The following MROH9 variants were observed in gnomAD, a reference collection of about 807,000 sequenced individuals.
MROH9 encodes maestro heat-like repeat-containing protein family member 9.
Under a neutral mutation model 98.2 loss-of-function variants are expected in MROH9, and 92 were observed. The observed-to-expected ratio is 0.94, with a 90% CI of 0.79 to 1.11. The LOEUF is 1.11. Among genes scored for constraint, MROH9 ranks in the 50% most tolerant of loss-of-function variants. The pLI is 0.00. For synonymous variants in MROH9, 397 were observed against 368.9 expected (o/e 1.08, Z -0.87); for missense variants, 1,057 against 1,014.8 (o/e 1.04, Z -0.57).
intron 20 of MROH9, among the ~76,000 whole-genome samples, chr1:171,057,988 T>C (rs1299291615): frequency 6.6e-6 from 1 of 152,036 alleles, no homozygotes; most frequent in African/African-American, 2.4e-5. Flanking sequence ...CACCAAAATA[T>C]ATTCTTTCAG....
At chr1:170,996,742 C>A in intron 14 of MROH9, 98 bp downstream of exon 14, 1 of 1,173,080 alleles carries the variant, frequency 8.5e-7, no homozygotes, top group Non-Finnish European at 1.2e-6. Flanking sequence ...GCATCTATTC[C>A]AATTTCCAAA....
intron 15 of MROH9, among the ~76,000 whole-genome samples, chr1:171,013,868 A>C: frequency 9.4e-6 from 1 of 106,234 alleles, no homozygotes; most frequent in Non-Finnish European, 1.9e-5. Context: ...GAAAATGTAA[A>C]ATACATACAC....
chr1:171,003,534 G>A (rs577134900), intron 15 of MROH9, among the ~76,000 whole-genome samples: 1 of 152,320 alleles, frequency 6.6e-6, no homozygotes, highest in South Asian at 2.1e-4. Flanking sequence ...GCCACCCTGT[G>A]AGTCTACCAG....
chr1:171,022,837 A>G (rs948190548), intron 17 of MROH9, among the ~76,000 whole-genome samples: 41 of 152,342 alleles, frequency 2.7e-4, no homozygotes, highest in African/African-American at 9.4e-4. Flanking sequence ...GATTTACTTG[A>G]GCTATTTTAC....
intron 7 of MROH9, among the ~76,000 whole-genome samples, chr1:170,968,081 G>C (rs1650300335): frequency 6.6e-6 from 1 of 152,124 alleles, no homozygotes; most frequent in Non-Finnish European, 1.5e-5. Flanking sequence ...GATAAAACCT[G>C]GCAGGGGAAT....
chr1:170,944,763 T>G (rs145017328), intron 1 of MROH9, among the ~76,000 whole-genome samples: 1 of 152,074 alleles, frequency 6.6e-6, no homozygotes, highest in East Asian at 1.9e-4. Flanking sequence ...ATCTATGTGG[T>G]AAGTAGAATT....
rs749578810 is a variant in MROH9, at chr1:170,992,334, A to T, written c.1194+5A>T. The T allele has an allele frequency of 1.9e-6, 3 of 1,611,538 alleles. No individual in the cohort carries two copies. The Admixed American group carries it at 5.0e-5, about 27-fold the overall frequency. On this transcript the variant is annotated splice_donor_5th_base_variant and intron_variant, in intron 12 of 21. Coordinates refer to ENST00000367759, the MANE Select transcript of MROH9 (RefSeq NM_001163629.2). Reference sequence around the variant, plus strand: ...ACCAACTTGATGCCTTTGGCGGTAAATAACACGATGAGTGTTTCTTCTTCT... The same window carrying T: ...ACCAACTTGATGCCTTTGGCGGTAATTAACACGATGAGTGTTTCTTCTTCT...
At chr1:171,061,083 A>T (rs2101877694) in intron 20 of MROH9, among the ~76,000 whole-genome samples, 1 of 152,338 alleles carries the variant, frequency 6.6e-6, no homozygotes, top group Non-Finnish European at 1.5e-5. Context: ...TAAGCATTTC[A>T]CAAAAGAAGA....
At chr1:171,002,093 TCC>T (rs1479533235) in intron 15 of MROH9, among the ~76,000 whole-genome samples, 1 of 152,158 alleles carries the variant, frequency 6.6e-6, no homozygotes, top group Admixed American at 6.5e-5. Flanking sequence ...TTGCATGAAA[TCC>T]CTTTTTCCAT....
intron 20 of MROH9, among the ~76,000 whole-genome samples, chr1:171,050,170 T>C (rs1163945080): frequency 6.6e-6 from 1 of 152,216 alleles, no homozygotes; most frequent in African/African-American, 2.4e-5. Flanking sequence ...GTTTTTGTTG[T>C]GTTTTCTTTT....
chr1:171,054,937 T>G (rs1316493401), intron 20 of MROH9, among the ~76,000 whole-genome samples: 1 of 151,460 alleles, frequency 6.6e-6, no homozygotes, highest in African/African-American at 2.4e-5. Context: ...TTATGGAAAA[T>G]GGTGTGGAGA....
intron 3 of MROH9, among the ~76,000 whole-genome samples, chr1:170,957,969 C>T (rs950546961): frequency 2.6e-5 from 4 of 152,046 alleles, no homozygotes; most frequent in Admixed American, 6.5e-5. Flanking sequence ...CTACCACGCC[C>T]GGCTAATTTT....
rs898993551 is a variant in MROH9, at chr1:170,983,455, G to T, written c.650G>T (p.Ser217Ile). ...ACAAATAAGCCTACAAACGGTAAAA[G>T]TCATAGCCTCCAGTTTCCTTCTTCT... ...IGTNKPTNGK[S>I]HSLQFPSSDV... Residue 217 changes from serine to isoleucine, a missense_variant, in exon 9 of 22, where the codon AGT (serine) becomes ATT (isoleucine). Ser to Ile is a moderately radical substitution (Grantham distance 142). Transcript: ENST00000367759. 6.2e-7 allele frequency: 1 copy of T among 1,613,112 alleles called. No homozygotes were observed. The highest frequency in any genetic ancestry group is 8.5e-7 in the Non-Finnish European group (1 of 1,179,450).
rs760924140 is a variant in MROH9, at chr1:170,998,190, G to A, written c.1512G>A (p.Glu504=). 1 of 1,611,088 alleles carries A rather than the reference G, an allele frequency of 6.2e-7. No individual in the cohort carries two copies. The highest frequency in any genetic ancestry group is 1.1e-5 in the South Asian group (1 of 90,394). The change falls in exon 15 of 22, where the codon GAG becomes GAA. Residue 504 remains glutamate (E), a synonymous_variant. Coordinates refer to ENST00000367759, the MANE Select transcript of MROH9 (RefSeq NM_001163629.2). ...AATATAACTTTCCACAGTTTCCGGA[G>A]ACCCTGAGTTATCTCTATAAGCTCT... ...LSEYNFPQFP[E]TLSYLYKLSV...
intron 8 of MROH9, among the ~76,000 whole-genome samples, chr1:170,973,830 G>C (rs927253071): frequency 1.3e-5 from 2 of 152,254 alleles, no homozygotes; most frequent in South Asian, 4.2e-4. Context: ...AGCTGGTATC[G>C]TGCCACTGTA....
chr1:170,938,456 C>A (rs1488681659), intron 1 of MROH9, among the ~76,000 whole-genome samples: 2 of 152,152 alleles, frequency 1.3e-5, no homozygotes, highest in Non-Finnish European at 2.9e-5. Context: ...CCAGCCCTTC[C>A]AGGTATTGAC....
rs560577963 is a variant in MROH9, at chr1:170,996,719, G to A, written c.1475+75G>A. ...TCCAACTTCCTTCAATAAGCCATGC[G>A]GGAACAAGATAGGCATCTATTCCAA... is the stretch of plus-strand genomic sequence containing the variant. On this transcript the variant is annotated intron_variant, in intron 14 of 21. Coordinates refer to ENST00000367759, the MANE Select transcript of MROH9 (RefSeq NM_001163629.2). The A allele has an allele frequency of 1.3e-4, 195 of 1,459,188 alleles. 1 individual carries two copies. The African/African-American group carries it at 1.9e-3, about 14-fold the overall frequency. 90.4% of individuals were successfully genotyped at this position (1,459,188 alleles called of 1,614,324 possible).
chr1:171,062,868 G>C (rs1654053488), intron 21 of MROH9, among the ~76,000 whole-genome samples: 1 of 152,150 alleles, frequency 6.6e-6, no homozygotes, highest in Admixed American at 6.5e-5. Flanking sequence ...GACTTCCCAA[G>C]TACCTTCTCT....
intron 1 of MROH9, among the ~76,000 whole-genome samples, chr1:170,940,326 A>G (rs576136058): frequency 6.6e-6 from 1 of 152,340 alleles, no homozygotes; most frequent in African/African-American, 2.4e-5. Flanking sequence ...CAATAAGTTT[A>G]GATATTGCTA....
Sources: gnomAD v4.1 joint callset for allele counts (sites outside exome capture counted in the v4.1 genomes callset) on GRCh38, gnomAD v4.1.1 for gene constraint, MANE v1.5 for transcripts, NCBI Gene and HGNC (gene_info 2026-07-23, HGNC 2026-07-21) for gene names.